Variants in DOK5 observed in about 807,000 individuals in gnomAD.
DOK5 encodes docking protein 5.
DOK5 carries 27 observed loss-of-function variants against 43.3 expected under a neutral mutation model. That is an observed-to-expected ratio of 0.62 (90% CI 0.46 to 0.86). The LOEUF is 0.86. Among genes scored for constraint, DOK5 ranks in the 40% least tolerant of loss-of-function variants. DOK5 has a pLI of 0.00. For missense variants in DOK5, 373 were observed against 392.9 expected (o/e 0.95, Z 0.43); for synonymous variants, 146 against 140.1 (o/e 1.04, Z -0.30).
chr20:54,499,351 A>G (rs997631114), intron 1 of DOK5, among the ~76,000 whole-genome samples: 1 of 152,232 alleles, frequency 6.6e-6, no homozygotes, highest in Non-Finnish European at 1.5e-5. Flanking sequence ...CCAGAGTTAC[A>G]GACAGGGTAA....
intron 1 of DOK5, among the ~76,000 whole-genome samples, chr20:54,503,835 A>G (rs560047688): frequency 9.2e-5 from 14 of 152,330 alleles, no homozygotes; most frequent in African/African-American, 3.4e-4. Flanking sequence ...ACATAAAATG[A>G]GGTGATTGAA....
At chr20:54,612,596 T>A (rs1046925728) in intron 6 of DOK5, among the ~76,000 whole-genome samples, 2 of 152,150 alleles carry the variant, frequency 1.3e-5, no homozygotes, top group Non-Finnish European at 2.9e-5. Flanking sequence ...AAGAGAGAAT[T>A]AGCTCTCTTT....
At chr20:54,588,624 T>C in intron 3 of DOK5, 27 bp downstream of exon 3, 1 of 1,614,040 alleles carries the variant, frequency 6.2e-7, no homozygotes, top group Non-Finnish European at 8.5e-7. Flanking sequence ...GCTGGGGGGC[T>C]TTTGCTTTTA....
chr20:54,557,616 GGT>G (rs1475945590), intron 2 of DOK5, among the ~76,000 whole-genome samples: 1 of 152,130 alleles, frequency 6.6e-6, no homozygotes, highest in Admixed American at 6.5e-5. Flanking sequence ...CTCTTCTCCA[GGT>G]GCCCTGGGCT....
chr20:54,563,168 C>A (rs769029373), intron 2 of DOK5, among the ~76,000 whole-genome samples: 6 of 152,162 alleles, frequency 3.9e-5, no homozygotes, highest in South Asian at 2.1e-4. Flanking sequence ...AGGAACCAAC[C>A]CTGCCAGCAC....
chr20:54,475,826 A>G lies in DOK5; in HGVS notation c.-121A>G. 1.6e-6 allele frequency: 2 copies of G among 1,221,850 alleles called. No individual in the cohort carries two copies. 75.7% of individuals were successfully genotyped at this position (1,221,850 alleles called of 1,614,324 possible). On this transcript the variant is annotated 5_prime_UTR_variant, in exon 1 of 8. Coordinates refer to ENST00000262593, the MANE Select transcript of DOK5 (RefSeq NM_018431.5). The surrounding 1 kb of genome is among the most constrained non-coding windows in gnomAD (Gnocchi z 4.2). ...CTAAAGCCTCGCCCAGCGCCGCCGA[A>G]GCAGCTTCACCTCTCCAACTTTCTC...
At chr20:54,573,628 G>A (rs6014061) in intron 2 of DOK5, among the ~76,000 whole-genome samples, 46,229 of 148,430 alleles carry the variant, frequency 0.31, 14,711 homozygotes, top group African/African-American at 0.83. Flanking sequence ...CAGAGGTTGC[G>A]GTGAGCCAAG....
intron 6 of DOK5, among the ~76,000 whole-genome samples, chr20:54,626,268 GGA>G (rs1375463404): frequency 6.6e-6 from 1 of 152,118 alleles, no homozygotes; most frequent in Non-Finnish European, 1.5e-5. Flanking sequence ...GGGAAAGAGC[GGA>G]GGTTTTTAGG....
chr20:54,610,205 C>T (rs1205167280), intron 5 of DOK5, among the ~76,000 whole-genome samples, 183 bp from the exon 6 acceptor site: 2 of 152,182 alleles, frequency 1.3e-5, no homozygotes, highest in South Asian at 2.1e-4. Context: ...GGTCCCCTGC[C>T]CTTGTTAATA....
At chr20:54,552,733 C>A (rs940037188) in intron 1 of DOK5, among the ~76,000 whole-genome samples, 1 of 152,044 alleles carries the variant, frequency 6.6e-6, no homozygotes, top group Non-Finnish European at 1.5e-5. Context: ...ATTGTACATT[C>A]GGTGGGATCA....
chr20:54,569,357 T>C (rs7265873), intron 2 of DOK5, among the ~76,000 whole-genome samples: 7,242 of 152,258 alleles, frequency 0.048, 589 homozygotes, highest in African/African-American at 0.16. Context: ...TCTAAGTCAG[T>C]AATTAATGGC....
chr20:54,611,013 G>T (rs915573911), intron 6 of DOK5, among the ~76,000 whole-genome samples: 1 of 152,174 alleles, frequency 6.6e-6, no homozygotes, highest in African/African-American at 2.4e-5. Flanking sequence ...GGAAGCCAAA[G>T]ATTTGAGTCT....
At chr20:54,577,506 G>C (rs1388361083) in intron 2 of DOK5, among the ~76,000 whole-genome samples, 4 of 152,170 alleles carry the variant, frequency 2.6e-5, no homozygotes, top group Admixed American at 2.6e-4. Context: ...TGATTATTAG[G>C]AATTTGGCTA....
In DOK5 at chr20:54,608,278, G is replaced by GGTT. The variant is rs575798680; in HGVS notation, c.600-2110_600-2109insGTT. 8.2e-3 allele frequency among the ~76,000 whole-genome samples: 1,250 copies of GGTT among 152,274 alleles called. 17 individuals are homozygous for GGTT. The highest frequency in any genetic ancestry group is 0.029 in the African/African-American group (1,194 of 41,546). On this transcript the variant is annotated intron_variant, in intron 5 of 7. Transcript: ENST00000262593. ...TTAAGGAAGTAAATAAATATACAGT[G>GGTT]ACCTCTGCCCCAGGGGAAACCAGTG... is the stretch of plus-strand genomic sequence containing the variant.
At chr20:54,629,069 T>C (rs934032506) in intron 6 of DOK5, among the ~76,000 whole-genome samples, 2 of 152,216 alleles carry the variant, frequency 1.3e-5, no homozygotes, top group African/African-American at 4.8e-5. Context: ...TTTGGTTTCT[T>C]TGAGGACTCT....
intron 5 of DOK5, among the ~76,000 whole-genome samples, chr20:54,607,264 G>T (rs369829294): frequency 6.6e-6 from 1 of 152,172 alleles, no homozygotes; most frequent in East Asian, 1.9e-4. Flanking sequence ...GCTTAGACAG[G>T]ACCTGTGCTC....
At chr20:54,505,120 G>T (rs959675983) in intron 1 of DOK5, among the ~76,000 whole-genome samples, 6 of 152,016 alleles carry the variant, frequency 3.9e-5, no homozygotes, top group African/African-American at 1.5e-4. Flanking sequence ...GTTTACCAGT[G>T]GTTTGACCTT....
chr20:54,533,631 T>G (rs150454877), intron 1 of DOK5, among the ~76,000 whole-genome samples: 1 of 152,186 alleles, frequency 6.6e-6, no homozygotes, highest in South Asian at 2.1e-4. Flanking sequence ...CATTAACAGA[T>G]GGAAAAACTG....
intron 5 of DOK5, among the ~76,000 whole-genome samples, chr20:54,605,138 G>C (rs140241746): frequency 2.9e-4 from 43 of 149,050 alleles, no homozygotes; most frequent in East Asian, 9.7e-4. Context: ...AACACACACA[G>C]AGAGAGAGAG....
Sources: gnomAD v4.1 joint callset for allele counts (sites outside exome capture counted in the v4.1 genomes callset) on GRCh38, gnomAD v4.1.1 for gene constraint, Gnocchi (gnomAD v3.1) non-coding constraint, MANE v1.5 for transcripts, NCBI Gene and HGNC (gene_info 2026-07-23, HGNC 2026-07-21) for gene names.